NUP153: variants seen among roughly 807,000 people sequenced by gnomAD.
NUP153 encodes nucleoporin 153.
A neutral mutation model predicts 134.6 loss-of-function variants in NUP153; 27 were observed. The observed-to-expected ratio is 0.20, with a 90% CI of 0.15 to 0.28. The LOEUF (loss-of-function observed/expected upper bound fraction) is 0.28, where lower values mean the gene tolerates loss of function less well. Ranked by LOEUF, NUP153 falls within the 10% of genes least tolerant of loss-of-function variation. The pLI, the probability that NUP153 is intolerant of heterozygous loss-of-function variation, is 1.00. For missense variants in NUP153, 1,821 were observed against 1,731.3 expected (o/e 1.05, Z -0.92); for synonymous variants, 640 against 623.5 (o/e 1.03, Z -0.40).
At position 17,646,157 on chromosome 6, in the gene NUP153, G is replaced by A. The variant is rs1330053784; in HGVS notation, c.1633-3C>T. The A allele has an allele frequency of 1.3e-6, 2 of 1,526,374 alleles. No individual in the cohort carries two copies. The highest frequency in any genetic ancestry group is 2.7e-5 in the African/African-American group (2 of 73,176). The allele number at this position is 1,526,374 out of a possible 1,614,324, so 94.6% of individuals were successfully genotyped here. On this transcript the variant is annotated splice_region_variant and splice_polypyrimidine_tract_variant and intron_variant, in intron 13 of 21. Coordinates refer to ENST00000262077, the MANE Select transcript of NUP153 (RefSeq NM_005124.4). ...GGCACACTAAATGTAAATCCAATCT[G>A]TAAAGAGAAAGAATATCCTTATACT...
rs376856171 is a variant in NUP153 at position 17,694,541 on chromosome 6, T to C, written c.112-5923A>G. Among the ~76,000 whole-genome samples, 45 of 151,684 alleles carry C rather than the reference T, an allele frequency of 3.0e-4. No individual in the cohort carries two copies. The South Asian group carries it at 9.0e-3, about 30-fold the overall frequency. On this transcript the variant is annotated intron_variant, in intron 1 of 21. Coordinates refer to ENST00000262077, the MANE Select transcript of NUP153 (RefSeq NM_005124.4). ...GGCATGATGGTGATGCCTGTAATCC[T>C]AGCTACTCAGGAGGCTGAGGGGGAA... is the stretch of plus-strand genomic sequence containing the variant.
intron 11 of NUP153, among the ~76,000 whole-genome samples, chr6:17,654,169 T>A (rs2113805744): frequency 6.6e-6 from 1 of 152,308 alleles, no homozygotes; most frequent in East Asian, 1.9e-4. Context: ...AAACAAAAGA[T>A]GCATCTGGCT....
rs775145197 is a variant in NUP153, at chr6:17,640,002, C to A, written c.1783G>T (p.Gly595Cys). 1 of 1,611,778 alleles carries A rather than the reference C, an allele frequency of 6.2e-7. No individual in the cohort carries two copies. Among genetic ancestry groups the A allele is most frequent in the Non-Finnish European group, 8.5e-7 (1 of 1,178,290 alleles). ...CKKTPPEDCEGPFRPAEILKE... is the reference protein window; with the variant it reads ...CKKTPPEDCECPFRPAEILKE... Reference sequence around the variant, plus strand: ...AGGATTTCTGCAGGTCTAAAAGGACCCTCACAATCTTCAGGTGGTGTCTTC... The same window carrying A: ...AGGATTTCTGCAGGTCTAAAAGGACACTCACAATCTTCAGGTGGTGTCTTC... Residue 595 changes from glycine (G) to cysteine (C), a missense_variant, in exon 15 of 22, where the codon GGT becomes TGT. By Grantham distance (159) the Gly-to-Cys change is radical (BLOSUM62 -3). Transcript: ENST00000262077.
chr6:17,644,646 T>TA (rs202245961), intron 14 of NUP153, among the ~76,000 whole-genome samples: 2,950 of 152,084 alleles, frequency 0.019, 95 homozygotes, highest in African/African-American at 0.066. Flanking sequence ...ACCACCATTA[T>TA]AAAAAAACAA....
intron 9 of NUP153, among the ~76,000 whole-genome samples, chr6:17,663,079 T>C (rs1767290178): frequency 6.6e-6 from 1 of 152,150 alleles, no homozygotes; most frequent in South Asian, 2.1e-4. Flanking sequence ...ATGTTAAGTT[T>C]CTGGGTTTGA....
chr6:17,665,451 T>C (rs1767475492), intron 8 of NUP153, 66 bp from the exon 9 acceptor site: 6 of 1,313,690 alleles, frequency 4.6e-6, no homozygotes, highest in Non-Finnish European at 6.4e-6. Context: ...ATCTAAATTT[T>C]GACAATAGCT....
At chr6:17,677,176 C>CA (rs1341234308) in intron 2 of NUP153, among the ~76,000 whole-genome samples, 1 of 152,176 alleles carries the variant, frequency 6.6e-6, no homozygotes, top group East Asian at 1.9e-4. Context: ...AGGCCCACCA[C>CA]ATTGGGAGGC....
chr6:17,647,990 T>G (rs1476962770), intron 12 of NUP153, 85 bp from the exon 13 acceptor site: 5 of 796,528 alleles, frequency 6.3e-6, no homozygotes, highest in Admixed American at 4.5e-5. Flanking sequence ...GCAAACTGAT[T>G]ATTCCAAAGA....
chr6:17,675,631 A>C lies in NUP153; in HGVS notation c.474T>G (p.Ile158Met). ...TTACAAGGGAAAATCCCGAACTGCC[A>C]ATTGGGAATGCCGAGGATGTAGATG... Reference protein sequence around the residue: ...CQPSTSSAFPIGSSGFSLVKE... With the variant: ...CQPSTSSAFPMGSSGFSLVKE... The change falls in exon 3 of 22, where the codon ATT becomes ATG. Residue 158 changes from isoleucine to methionine, a missense_variant. Ile to Met is a conservative substitution (Grantham distance 10). Transcript: ENST00000262077. This position sits in a 1 kb window ranked among gnomAD's most constrained non-coding sequence, Gnocchi z 4.4. The C allele has an allele frequency of 6.2e-7, 1 of 1,614,200 alleles. No individual in the cohort carries two copies. Among genetic ancestry groups the C allele is most frequent in the South Asian group, 1.1e-5 (1 of 91,086 alleles).
intron 2 of NUP153, among the ~76,000 whole-genome samples, chr6:17,686,313 T>G (rs893983176): frequency 6.6e-6 from 1 of 151,956 alleles, no homozygotes; most frequent in African/African-American, 2.4e-5. Flanking sequence ...GATGTGGGGG[T>G]AGAAAGCCAT....
chr6:17,686,185 C>CA (rs1768911213), intron 2 of NUP153, among the ~76,000 whole-genome samples: 1 of 151,354 alleles, frequency 6.6e-6, no homozygotes, highest in Non-Finnish European at 1.5e-5. Flanking sequence ...AAGAAAAAGC[C>CA]AACTGTAAAC....
intron 12 of NUP153, 50 bp from the exon 13 acceptor site, chr6:17,647,955 A>G: frequency 8.5e-7 from 1 of 1,170,688 alleles, no homozygotes; most frequent in Non-Finnish European, 1.3e-6. Flanking sequence ...TTTTTAGAAA[A>G]ATAAAGTGAC....
intron 2 of NUP153, among the ~76,000 whole-genome samples, chr6:17,678,947 TAA>T (rs58870324): frequency 0.029 from 4,186 of 142,390 alleles, 55 homozygotes; most frequent in Non-Finnish European, 0.039. Flanking sequence ...CTATCTCATT[TAA>T]AAAAAAAAAA....
chr6:17,699,693 G>A (rs538382536), intron 1 of NUP153, among the ~76,000 whole-genome samples: 5 of 152,022 alleles, frequency 3.3e-5, no homozygotes, highest in Middle Eastern at 3.4e-3. Flanking sequence ...AAAATAGCCA[G>A]GCGTGGTGGC....
intron 1 of NUP153, among the ~76,000 whole-genome samples, chr6:17,694,419 G>T (rs937032567): frequency 6.6e-6 from 1 of 152,188 alleles, no homozygotes; most frequent in African/African-American, 2.4e-5. Context: ...AGCACTTCCG[G>T]AGGCCGACGC....
chr6:17,654,324 ATT>A lies in NUP153; in HGVS notation c.1396-5026_1396-5025del, dbSNP rs34451625. ...TCCTTATATTACTGACCTTGAACCAATTTTTTTTTTTTTTGAGACGGAGTTTC... is the reference window on the plus strand; with the variant it reads ...TCCTTATATTACTGACCTTGAACCAATTTTTTTTTTTTGAGACGGAGTTTC... On this transcript the variant is annotated intron_variant, in intron 11 of 21. Transcript: ENST00000262077. Among the ~76,000 whole-genome samples, 12 of 145,208 alleles carry A rather than the reference ATT, an allele frequency of 8.3e-5. No individual in the cohort carries two copies. The East Asian group carries it at 2.0e-3, about 24-fold the overall frequency.
intron 11 of NUP153, among the ~76,000 whole-genome samples, chr6:17,656,131 G>A (rs1300936829): frequency 6.8e-6 from 1 of 147,516 alleles, no homozygotes; most frequent in Non-Finnish European, 1.5e-5. Flanking sequence ...CTTGAACTCA[G>A]GAGGTGGAGG....
At chr6:17,686,908 G>A (rs1216016271) in intron 2 of NUP153, among the ~76,000 whole-genome samples, 4 of 128,816 alleles carry the variant, frequency 3.1e-5, no homozygotes, top group South Asian at 3.0e-4. Context: ...GGAGGGGGGC[G>A]GGGAGTGGGG....
At chr6:17,640,938 T>TA (rs1765802146) in intron 14 of NUP153, among the ~76,000 whole-genome samples, 1 of 152,128 alleles carries the variant, frequency 6.6e-6, no homozygotes, top group African/African-American at 2.4e-5. Flanking sequence ...AAATCATTCT[T>TA]AAAAGTGTAG....
Sources: allele counts gnomAD v4.1 joint callset (sites outside exome capture counted in the v4.1 genomes callset), GRCh38; gene constraint gnomAD v4.1.1; non-coding constraint Gnocchi (gnomAD v3.1); transcripts MANE v1.5; gene names NCBI Gene and HGNC (gene_info 2026-07-23, HGNC 2026-07-21).